ARL8A: variants seen among roughly 807,000 people sequenced by gnomAD.
ARL8A encodes ADP-ribosylation factor-like protein 8A.
A neutral mutation model predicts 31.2 loss-of-function variants in ARL8A; 10 were observed. That is an observed-to-expected ratio of 0.32 (90% CI 0.20 to 0.54). ARL8A has a LOEUF of 0.54. Among genes scored for constraint, ARL8A ranks in the 20% least tolerant of loss-of-function variants. The pLI, the probability that ARL8A is intolerant of heterozygous loss-of-function variation, is 0.93. For missense variants in ARL8A, 129 were observed against 242.8 expected, an observed-to-expected ratio of 0.53 and a Z score of 3.12; for synonymous variants, 70 against 86.9, an observed-to-expected ratio of 0.81 and a Z score of 1.08.
At chr1:202,136,437 G>A (rs1254491418) in intron 3 of ARL8A, among the ~76,000 whole-genome samples, 3 of 151,984 alleles carry the variant, frequency 2.0e-5, no homozygotes, top group Non-Finnish European at 2.9e-5. Context: ...ATGCCGCCAC[G>A]CCCGGCTAAT....
rs945758411 is a variant in ARL8A, at chr1:202,134,233, G to C, written c.*234C>G. ...GGAGGGAGGCAGGGCTGGGTGATGG[G>C]ACAAAGGCAGCGGGGAAGGGTGAGA... On this transcript the variant is annotated 3_prime_UTR_variant, in exon 7 of 7. Coordinates refer to ENST00000272217, the MANE Select transcript of ARL8A (RefSeq NM_138795.4). The surrounding 1 kb of genome is among the most constrained non-coding windows in gnomAD (Gnocchi z 4.2). 135 of 547,458 alleles carry C rather than the reference G, an allele frequency of 2.5e-4. 2 individuals carry two copies. Among genetic ancestry groups the C allele is most frequent in the Middle Eastern group, 1.4e-3 (3 of 2,084 alleles). The allele number at this position is 547,458 out of a possible 1,614,324, so 33.9% of individuals were successfully genotyped here. A position where few individuals can be genotyped will look rare whatever the true frequency, so the allele number is the denominator to read the frequency against.
At position 202,135,749 on chromosome 1, in the gene ARL8A, C is replaced by T; in HGVS notation, c.330G>A (p.Glu110=). Residue 110 remains glutamate, a synonymous_variant, in exon 4 of 7, where the codon GAG becomes GAA. Transcript: ENST00000272217. This position sits in a 1 kb window ranked among gnomAD's most constrained non-coding sequence, Gnocchi z 5.3. ...GAGGTTTGTCCAGTAGGTTGTGGAG[C>T]TCGTTCTTAGAGGCCTCAATCTTCT... ...DQEKIEASKN[E]LHNLLDKPQL... 6.2e-7 allele frequency: 1 copy of T among 1,614,158 alleles called. No homozygotes were observed. The highest frequency in any genetic ancestry group is 8.5e-7 in the Non-Finnish European group (1 of 1,180,030).
rs1654977740 is a variant in ARL8A, at chr1:202,135,391, C to G, written c.440+68G>C. 1 of 1,566,084 alleles carries G rather than the reference C, an allele frequency of 6.4e-7. No individual in the cohort carries two copies. The highest frequency in any genetic ancestry group is 8.8e-7 in the Non-Finnish European group (1 of 1,136,392). On this transcript the variant is annotated intron_variant, in intron 5 of 6. Coordinates refer to ENST00000272217, the MANE Select transcript of ARL8A (RefSeq NM_138795.4). This position sits in a 1 kb window ranked among gnomAD's most constrained non-coding sequence, Gnocchi z 5.3. ...GGCTAATACTAAGAACAGCAGCAAGCCTAGGCTGTTGGTCTGGTGGTTGGG... is the reference window on the plus strand; with the variant it reads ...GGCTAATACTAAGAACAGCAGCAAGGCTAGGCTGTTGGTCTGGTGGTTGGG...
At chr1:202,137,311 C>G (rs934984354) in intron 3 of ARL8A, among the ~76,000 whole-genome samples, 2 of 152,094 alleles carry the variant, frequency 1.3e-5, no homozygotes, top group African/African-American at 4.8e-5. Flanking sequence ...GTGTGTGGCA[C>G]CATGCTCAGC....
At chr1:202,140,856 C>G (rs1264370642) in intron 1 of ARL8A, among the ~76,000 whole-genome samples, 1 of 152,190 alleles carries the variant, frequency 6.6e-6, no homozygotes, top group Admixed American at 6.5e-5. Context: ...TTGTTTGTCT[C>G]TCATCCCAGG....
chr1:202,137,644 A>G (rs1209595885), intron 3 of ARL8A, among the ~76,000 whole-genome samples: 1 of 151,796 alleles, frequency 6.6e-6, no homozygotes, highest in Non-Finnish European at 1.5e-5. Flanking sequence ...AAAAAAAAAG[A>G]ATCATTTAAA....
chr1:202,136,525 C>T (rs1467624225), intron 3 of ARL8A, among the ~76,000 whole-genome samples: 2 of 152,070 alleles, frequency 1.3e-5, no homozygotes, highest in Admixed American at 6.6e-5. Context: ...GTGATCCACT[C>T]GTCTCGGGCT....
rs1294796760 is a variant in ARL8A, at chr1:202,135,432, A to G, written c.440+27T>C. The G allele has an allele frequency of 6.2e-7, 1 of 1,610,122 alleles. No homozygotes were observed. The highest frequency in any genetic ancestry group is 8.5e-7 in the Non-Finnish European group (1 of 1,176,390). ...GGTGGTTGGGGAATTGGGAGAGCAG[A>G]AAGTAATATAGAGTCACCCAACTCA... On this transcript the variant is annotated intron_variant, in intron 5 of 6. Coordinates refer to ENST00000272217, the MANE Select transcript of ARL8A (RefSeq NM_138795.4). The surrounding 1 kb of genome is among the most constrained non-coding windows in gnomAD (Gnocchi z 5.3).
In ARL8A at chr1:202,144,317, C is replaced by T. The variant is rs1655245054; in HGVS notation, c.123+133G>A. On this transcript the variant is annotated intron_variant, in intron 1 of 6. Transcript: ENST00000272217. The surrounding 1 kb of genome is among the most constrained non-coding windows in gnomAD (Gnocchi z 5.2). ...AGGCCCCAAGCGCTCGGGGCCGGCT[C>T]CTCCCCCGCCCGGCGCCCGGCCGTG... 1.7e-6 allele frequency: 1 copy of T among 580,956 alleles called. No individual in the cohort carries two copies. Among genetic ancestry groups the T allele is most frequent in the Non-Finnish European group, 2.2e-6 (1 of 459,534 alleles). 36.0% of individuals were successfully genotyped at this position (580,956 alleles called of 1,614,324 possible).
In ARL8A at chr1:202,144,266, C is replaced by G. The variant is rs1655242738; in HGVS notation, c.123+184G>C. On this transcript the variant is annotated intron_variant, in intron 1 of 6. Coordinates refer to ENST00000272217, the MANE Select transcript of ARL8A (RefSeq NM_138795.4). This position sits in a 1 kb window ranked among gnomAD's most constrained non-coding sequence, Gnocchi z 5.2. Reference sequence around the variant, plus strand: ...TGAGAGAGCGGGTCGCGCGCCGCCCCGGTCCCCCACGGCACGGGCCGTACT... The same window carrying G: ...TGAGAGAGCGGGTCGCGCGCCGCCCGGGTCCCCCACGGCACGGGCCGTACT... Among the ~76,000 whole-genome samples the G allele has an allele frequency of 6.6e-6, 1 of 151,860 alleles. No individual in the cohort carries two copies.
Position 202,133,496 on chromosome 1 carries a change from G to A in ARL8A, c.*971C>T, listed in dbSNP as rs551925679. ...TTACAAGAATCATTTTCCAAACAGAGGTTAAATATGAGCTGAAAAGTGTAA... is the reference window on the plus strand; with the variant it reads ...TTACAAGAATCATTTTCCAAACAGAAGTTAAATATGAGCTGAAAAGTGTAA... On this transcript the variant is annotated 3_prime_UTR_variant, in exon 7 of 7. Transcript: ENST00000272217. 9 of 152,232 alleles carry A rather than the reference G, an allele frequency of 5.9e-5. No individual in the cohort carries two copies. The highest frequency in any genetic ancestry group is 2.2e-4 in the African/African-American group (9 of 41,526). 9.4% of individuals were successfully genotyped at this position (152,232 alleles called of 1,614,324 possible).
rs1380038836 is a variant in ARL8A, at chr1:202,133,528, AAG to A, written c.*937_*938del. 2 of 152,238 alleles carry A rather than the reference AAG, an allele frequency of 1.3e-5. No homozygotes were observed. The highest frequency in any genetic ancestry group is 4.8e-5 in the African/African-American group (2 of 41,454). The allele number at this position is 152,238 out of a possible 1,614,324, so 9.4% of individuals were successfully genotyped here. On this transcript the variant is annotated 3_prime_UTR_variant, in exon 7 of 7. Transcript: ENST00000272217. Reference sequence around the variant, plus strand: ...TATGAGCTGAAAAGTGTAAAAAAGGAAGAGGAACATCACTTTACAAATCATTA... The same window carrying A: ...TATGAGCTGAAAAGTGTAAAAAAGGAAGGAACATCACTTTACAAATCATTA...
intron 1 of ARL8A, among the ~76,000 whole-genome samples, chr1:202,143,935 C>T (rs576967245): frequency 2.2e-4 from 34 of 152,218 alleles, no homozygotes; most frequent in Non-Finnish European, 5.9e-5. Flanking sequence ...CCCTCCCCCT[C>T]AATAGGGCCG....
chr1:202,135,899 T>C lies in ARL8A; in HGVS notation c.279-99A>G. On this transcript the variant is annotated intron_variant, in intron 3 of 6. Coordinates refer to ENST00000272217, the MANE Select transcript of ARL8A (RefSeq NM_138795.4). This position sits in a 1 kb window ranked among gnomAD's most constrained non-coding sequence, Gnocchi z 5.3. ...TGCTGCTTGGAGGTGAAAGCATCTGTTGCAGCTTGGTCACCTCGGGATCCA... is the reference window on the plus strand; with the variant it reads ...TGCTGCTTGGAGGTGAAAGCATCTGCTGCAGCTTGGTCACCTCGGGATCCA... The C allele has an allele frequency of 2.5e-6, 3 of 1,177,192 alleles. No individual in the cohort carries two copies. In the South Asian group the frequency reaches 3.8e-5, roughly 15 times the overall value. 72.9% of individuals were successfully genotyped at this position (1,177,192 alleles called of 1,614,324 possible).
At chr1:202,142,599 G>C (rs144256022) in intron 1 of ARL8A, among the ~76,000 whole-genome samples, 1 of 152,194 alleles carries the variant, frequency 6.6e-6, no homozygotes, top group East Asian at 1.9e-4. Context: ...ATGTGCCAGC[G>C]GAAGTGGCAA....
At chr1:202,137,866 T>A (rs1164743201) in intron 3 of ARL8A, 99 bp downstream of exon 3, 4 of 1,296,424 alleles carry the variant, frequency 3.1e-6, no homozygotes, top group Non-Finnish European at 4.4e-6. Flanking sequence ...AACCAAGGAT[T>A]ATGTCTAATA....
Position 202,135,888 on chromosome 1 carries a change from G to C in ARL8A, c.279-88C>G. The C allele has an allele frequency of 8.0e-7, 1 of 1,255,616 alleles. No individual in the cohort carries two copies. The highest frequency in any genetic ancestry group is 1.2e-6 in the Non-Finnish European group (1 of 863,242). 77.8% of individuals were successfully genotyped at this position (1,255,616 alleles called of 1,614,324 possible). ...AGAGAAGGAGCTGCTGCTTGGAGGT[G>C]AAAGCATCTGTTGCAGCTTGGTCAC... On this transcript the variant is annotated intron_variant, in intron 3 of 6. Transcript: ENST00000272217. The surrounding 1 kb of genome is among the most constrained non-coding windows in gnomAD (Gnocchi z 5.3).
intron 1 of ARL8A, among the ~76,000 whole-genome samples, chr1:202,139,632 CTTTTTTTT>C (rs71141457): frequency 1.4e-4 from 7 of 50,532 alleles, no homozygotes; most frequent in Non-Finnish European, 2.1e-4. Context: ...AGCCCTGTTC[CTTTTTTTT>C]TTTTTTTTTT....
At chr1:202,141,011 T>C (rs1168864436) in intron 1 of ARL8A, among the ~76,000 whole-genome samples, 1 of 152,170 alleles carries the variant, frequency 6.6e-6, no homozygotes, top group East Asian at 1.9e-4. Flanking sequence ...TGGGGAACCA[T>C]CACTGCTCTT....
Sources: allele counts gnomAD v4.1 joint callset (sites outside exome capture counted in the v4.1 genomes callset), GRCh38; gene constraint gnomAD v4.1.1; non-coding constraint Gnocchi (gnomAD v3.1); transcripts MANE v1.5; gene names NCBI Gene and HGNC (gene_info 2026-07-23, HGNC 2026-07-21).